Variants in POLR1A observed in about 807,000 individuals in gnomAD.
POLR1A encodes the protein RNA polymerase I subunit A.
POLR1A carries 84 observed loss-of-function variants against 205.3 expected under a neutral mutation model. The observed-to-expected ratio is 0.41, with a 90% CI of 0.34 to 0.49. POLR1A has a LOEUF of 0.49. Ranked by LOEUF, POLR1A falls within the 20% of genes least tolerant of loss-of-function variation. POLR1A has a pLI of 0.22. For missense variants in POLR1A, 1,645 were observed against 2,204.5 expected (o/e 0.75, Z 5.08); for synonymous variants, 799 against 863.7 (o/e 0.93, Z 1.31).
rs1178048336 is a variant in POLR1A, at chr2:86,022,177, GCTTGCTGTGCT to G, written c.*5235_*5245del. ...CTGCCCCTGCTGGACAAATGGCCTC[GCTTGCTGTGCT>G]GGGCTGGCAGAGCTGCAGGCCTCCA... On this transcript the variant is annotated 3_prime_UTR_variant, in exon 34 of 34. Coordinates refer to ENST00000263857, the MANE Select transcript of POLR1A (RefSeq NM_015425.6). 2.0e-5 allele frequency: 3 copies of G among 152,282 alleles called. No individual in the cohort carries two copies. The highest frequency in any genetic ancestry group is 4.8e-5 in the African/African-American group (2 of 41,454). The allele number at this position is 152,282 out of a possible 1,614,324, so 9.4% of individuals were successfully genotyped here.
At chr2:86,100,364 T>A (rs1057406547) in intron 1 of POLR1A, among the ~76,000 whole-genome samples, 192 bp from the exon 2 acceptor site, 2 of 152,138 alleles carry the variant, frequency 1.3e-5, no homozygotes, top group Non-Finnish European at 2.9e-5. Context: ...AATAAATACA[T>A]ATGTGCTAAA....
chr2:86,084,528 A>G (rs189307864), intron 6 of POLR1A, among the ~76,000 whole-genome samples: 32 of 152,304 alleles, frequency 2.1e-4, no homozygotes, highest in African/African-American at 6.0e-4. Flanking sequence ...ATATCAGGAC[A>G]GGCACTATGC....
chr2:86,099,016 T>C (rs1673761378), intron 2 of POLR1A, among the ~76,000 whole-genome samples: 1 of 152,098 alleles, frequency 6.6e-6, no homozygotes, highest in Non-Finnish European at 1.5e-5. Context: ...TAGAAAAATA[T>C]CTTTATTTTA....
In POLR1A at chr2:86,028,760, C is replaced by G. The variant is rs748942984; in HGVS notation, c.4780-49G>C. On this transcript the variant is annotated intron_variant, in intron 31 of 33. Transcript: ENST00000263857. The surrounding 1 kb of genome is among the most constrained non-coding windows in gnomAD (Gnocchi z 4.5). ...TATTTAGAGGGCCTGGCCTTCTGCTCCCTTCTGCCTGCGTATCTCCCCCTG... is the reference window on the plus strand; with the variant it reads ...TATTTAGAGGGCCTGGCCTTCTGCTGCCTTCTGCCTGCGTATCTCCCCCTG... 2 of 1,366,200 alleles carry G rather than the reference C, an allele frequency of 1.5e-6. No individual in the cohort carries two copies. The highest frequency in any genetic ancestry group is 4.6e-5 in the East Asian group (2 of 43,112). 84.6% of individuals were successfully genotyped at this position (1,366,200 alleles called of 1,614,324 possible).
At chr2:86,072,939 G>A (rs368212185) in intron 12 of POLR1A, among the ~76,000 whole-genome samples, 29 of 152,308 alleles carry the variant, frequency 1.9e-4, no homozygotes, top group African/African-American at 5.3e-4. Context: ...CAGGCCAGGA[G>A]CAGTGGCTCA....
chr2:86,062,706 T>G (rs537459617), intron 14 of POLR1A, among the ~76,000 whole-genome samples: 91 of 149,896 alleles, frequency 6.1e-4, no homozygotes, highest in African/African-American at 2.2e-3. Flanking sequence ...AGTGATAAAG[T>G]TCAAATCAAC....
chr2:86,102,693 A>T (rs925107528), intron 1 of POLR1A, among the ~76,000 whole-genome samples: 5 of 152,244 alleles, frequency 3.3e-5, no homozygotes, highest in Admixed American at 1.3e-4. Context: ...TACAGTGTCA[A>T]ACAAAGTTCC....
chr2:86,042,080 C>T lies in POLR1A; in HGVS notation c.3381G>A (p.Leu1127=), dbSNP rs748040705. ...TQEMLRMWYE[L]DEESRRKYQK... The stretch of plus-strand genomic sequence containing the variant: ...GGTATTTCCTTCGGCTTTCCTCATC[C>T]AACTCATACCACATCCTCAGCATCT... The change falls in exon 24 of 34, where the codon TTG becomes TTA. Residue 1127 remains leucine (L), a synonymous_variant. Transcript: ENST00000263857. 1.6e-5 allele frequency: 26 copies of T among 1,612,506 alleles called. No individual in the cohort carries two copies. The highest frequency in any genetic ancestry group is 1.3e-4 in the Admixed American group (8 of 59,992).
At chr2:86,078,800 G>GTC (rs1573826748) in intron 9 of POLR1A, among the ~76,000 whole-genome samples, 1 of 152,312 alleles carries the variant, frequency 6.6e-6, no homozygotes, top group East Asian at 1.9e-4. Flanking sequence ...TAAGATGTGG[G>GTC]TCTCCAGCTG....
rs1411973635 is a variant in POLR1A, at chr2:86,028,296, G to A, written c.4898-247C>T. On this transcript the variant is annotated intron_variant, in intron 32 of 33. Transcript: ENST00000263857. The surrounding 1 kb of genome is among the most constrained non-coding windows in gnomAD (Gnocchi z 4.5). ...CAGGAAATGAGGATCTAACCGCACT[G>A]TTTTCACTTGGGAACTGAAACCCCA... Among the ~76,000 whole-genome samples, 1 of 152,190 alleles carries A rather than the reference G, an allele frequency of 6.6e-6. No homozygotes were observed. Among genetic ancestry groups the A allele is most frequent in the Non-Finnish European group, 1.5e-5 (1 of 68,022 alleles).
chr2:86,086,295 G>T (rs978292844), intron 6 of POLR1A, among the ~76,000 whole-genome samples: 1 of 151,888 alleles, frequency 6.6e-6, no homozygotes, highest in African/African-American at 2.4e-5. Flanking sequence ...CCTGACCTCA[G>T]ATGATCTGCC....
chr2:86,082,062 C>A (rs1326549965), intron 7 of POLR1A, among the ~76,000 whole-genome samples: 1 of 151,972 alleles, frequency 6.6e-6, no homozygotes, highest in Non-Finnish European at 1.5e-5. Context: ...TCTCGAACTC[C>A]TGGGCTCAAT....
chr2:86,044,098 C>T, intron 22 of POLR1A, 41 bp downstream of exon 22: 1 of 1,601,994 alleles, frequency 6.2e-7, no homozygotes, highest in African/African-American at 1.3e-5. Context: ...GTGGGGGAGG[C>T]CTACTGCTCG....
Position 86,054,312 on chromosome 2 carries a change from C to T in POLR1A, c.2059-23G>A, listed in dbSNP as rs766436295. On this transcript the variant is annotated intron_variant, in intron 14 of 33. Transcript: ENST00000263857. ...AACCTGCAAAGAAAAAGAGGACAAA[C>T]TGATGGCAAAAAGAAAAGTGATGGC... 18 of 1,610,002 alleles carry T rather than the reference C, an allele frequency of 1.1e-5. No individual in the cohort carries two copies. The South Asian group carries it at 2.0e-4, about 18-fold the overall frequency.
In POLR1A at chr2:86,028,646, C is replaced by T. The variant is rs753148901; in HGVS notation, c.4845G>A (p.Glu1615=). The T allele has an allele frequency of 1.2e-6, 2 of 1,614,236 alleles. No homozygotes were observed. The highest frequency in any genetic ancestry group is 8.5e-7 in the Non-Finnish European group (1 of 1,180,026). The part of the protein sequence containing the change: ...IHAIANTYGI[E]AALRVIEKEI... The stretch of plus-strand genomic sequence containing the variant: ...CCTTCTCGATCACCCGCAGCGCGGC[C>T]TCAATGCCATACGTGTTGGCTATGG... The change falls in exon 32 of 34, where the codon GAG becomes GAA. Residue 1615 remains glutamate (E), a synonymous_variant. Coordinates refer to ENST00000263857, the MANE Select transcript of POLR1A (RefSeq NM_015425.6). This position sits in a 1 kb window ranked among gnomAD's most constrained non-coding sequence, Gnocchi z 4.5.
chr2:86,097,765 G>A (rs923463891), intron 3 of POLR1A, among the ~76,000 whole-genome samples: 1 of 152,046 alleles, frequency 6.6e-6, no homozygotes, highest in Admixed American at 6.5e-5. Context: ...GGAACAGGAA[G>A]AGATTTGTTA....
At chr2:86,095,804 T>C (rs773512793) in intron 3 of POLR1A, among the ~76,000 whole-genome samples, 2 of 151,840 alleles carry the variant, frequency 1.3e-5, no homozygotes, top group Non-Finnish European at 2.9e-5. Flanking sequence ...CTTGGCTCAC[T>C]GCAAGCTCTG....
chr2:86,035,726 C>T (rs1672482817), intron 27 of POLR1A, among the ~76,000 whole-genome samples: 1 of 152,182 alleles, frequency 6.6e-6, no homozygotes, highest in South Asian at 2.1e-4. Flanking sequence ...CTTCCCTGGC[C>T]AATATCTACC....
At position 86,097,214 on chromosome 2, in the gene POLR1A, C is replaced by CAAAAAAAAAAAAAAAAAAAAA. The variant is rs757210116; in HGVS notation, c.432+1376_432+1396dup. On this transcript the variant is annotated intron_variant, in intron 3 of 33. Transcript: ENST00000263857. The stretch of plus-strand genomic sequence containing the variant: ...CATTAGGATGGCTATCCCCAAAAGA[C>CAAAAAAAAAAAAAAAAAAAAA]AAAAAAAAAAAAAAAAAAAAAAAAA... 1.6e-3 allele frequency among the ~76,000 whole-genome samples: 64 copies of CAAAAAAAAAAAAAAAAAAAAA among 39,692 alleles called. 20 individuals carry two copies. Among genetic ancestry groups the CAAAAAAAAAAAAAAAAAAAAA allele is most frequent in the African/African-American group, 3.0e-3 (30 of 10,108 alleles). 26.0% of individuals were successfully genotyped at this position (39,692 alleles called of 152,430 possible). A position where few individuals can be genotyped will look rare whatever the true frequency, so the allele number is the denominator to read the frequency against.
Sources: gnomAD v4.1 joint callset for allele counts (sites outside exome capture counted in the v4.1 genomes callset) on GRCh38, gnomAD v4.1.1 for gene constraint, Gnocchi (gnomAD v3.1) non-coding constraint, MANE v1.5 for transcripts, NCBI Gene and HGNC (gene_info 2026-07-23, HGNC 2026-07-21) for gene names.